FRMD4A: variants seen among roughly 807,000 people sequenced by gnomAD.
FRMD4A encodes the protein FERM domain-containing protein 4A.
Under a neutral mutation model 129.1 loss-of-function variants are expected in FRMD4A, and 29 were observed. The observed-to-expected ratio is 0.22, with a 90% CI of 0.17 to 0.31. FRMD4A has a LOEUF of 0.31. Among genes scored for constraint, FRMD4A ranks in the 10% least tolerant of loss-of-function variants. The probability of loss-of-function intolerance (pLI) is 1.00; values close to 1 mark genes in which losing one functional copy is unlikely to be tolerated. For synonymous variants in FRMD4A, 634 were observed against 571.6 expected (o/e 1.11, Z -1.56); for missense variants, 1,272 against 1,375.8 (o/e 0.92, Z 1.19).
rs1041662968 is a variant in FRMD4A at position 14,208,092 on chromosome 10, G to A, written c.45+121966C>T. Among the ~76,000 whole-genome samples, 7 of 152,042 alleles carry A rather than the reference G, an allele frequency of 4.6e-5. No homozygotes were observed. The East Asian group carries it at 1.2e-3, about 25-fold the overall frequency. ...TGCGCCTGTTCTCCCGGCTACTTGA[G>A]AGGCTGAGGTGAAGGATGGCCTGAG... On this transcript the variant is annotated intron_variant, in intron 2 of 24. Transcript: ENST00000357447.
At chr10:14,288,872 A>G (rs1051211225) in intron 2 of FRMD4A, among the ~76,000 whole-genome samples, 6 of 152,186 alleles carry the variant, frequency 3.9e-5, no homozygotes, top group African/African-American at 1.4e-4. Flanking sequence ...GTAATCATGC[A>G]GCATTTGTCC....
chr10:13,716,927 A>C (rs1431802655), intron 12 of FRMD4A, among the ~76,000 whole-genome samples: 1 of 151,860 alleles, frequency 6.6e-6, no homozygotes, highest in African/African-American at 2.4e-5. Context: ...TTTCAAGAGA[A>C]GCTGGAATTG....
chr10:14,193,586 G>A (rs1036312160), intron 2 of FRMD4A, among the ~76,000 whole-genome samples: 1 of 151,096 alleles, frequency 6.6e-6, no homozygotes, highest in Non-Finnish European at 1.5e-5. Flanking sequence ...ATACAATTTA[G>A]TTGGGCAAAG....
chr10:13,695,430 C>T (rs184817638), intron 14 of FRMD4A, among the ~76,000 whole-genome samples: 12 of 152,282 alleles, frequency 7.9e-5, no homozygotes, highest in African/African-American at 2.4e-4. Context: ...CGTGAGCCAC[C>T]GCGCCTGGCT....
intron 2 of FRMD4A, among the ~76,000 whole-genome samples, chr10:14,284,453 C>A (rs1023091045): frequency 6.6e-6 from 1 of 152,102 alleles, no homozygotes; most frequent in Non-Finnish European, 1.5e-5. Context: ...TCAAGACCGT[C>A]CTGGCTAACA....
At chr10:13,848,595 AGTGTGTGTGTGT>A (rs1564905750) in intron 3 of FRMD4A, among the ~76,000 whole-genome samples, 15 of 134,406 alleles carry the variant, frequency 1.1e-4, no homozygotes, top group African/African-American at 3.9e-4. Context: ...CCTGGGTGTG[AGTGTGTGTGTGT>A]ACGTGTGTGT....
chr10:13,851,193 G>A (rs1031076160), intron 3 of FRMD4A, among the ~76,000 whole-genome samples: 8 of 152,128 alleles, frequency 5.3e-5, no homozygotes, highest in Admixed American at 3.3e-4. Context: ...CAGCCTGGGC[G>A]ACAGAGTGAG....
chr10:14,000,668 A>G (rs988664924), intron 2 of FRMD4A, among the ~76,000 whole-genome samples: 1 of 74,518 alleles, frequency 1.3e-5, no homozygotes, highest in African/African-American at 3.1e-5. Flanking sequence ...AAAAAAAAAA[A>G]GAGAAGAAAG....
At chr10:14,287,763 T>C (rs1480132257) in intron 2 of FRMD4A, among the ~76,000 whole-genome samples, 1 of 152,154 alleles carries the variant, frequency 6.6e-6, no homozygotes, top group Admixed American at 6.5e-5. Context: ...ACTGAAACAG[T>C]TCACTCTACC....
At chr10:13,907,823 G>T (rs1293930198) in intron 2 of FRMD4A, among the ~76,000 whole-genome samples, 6 of 148,412 alleles carry the variant, frequency 4.0e-5, no homozygotes, top group Admixed American at 1.4e-4. Context: ...TAATACAAAA[G>T]TACCTAAAAT....
At chr10:13,656,161 C>A (rs2082123219) in intron 22 of FRMD4A, among the ~76,000 whole-genome samples, 1 of 152,168 alleles carries the variant, frequency 6.6e-6, no homozygotes, top group Non-Finnish European at 1.5e-5. Context: ...TGTTTATTAG[C>A]CAGTCTGCCC....
In FRMD4A at chr10:13,896,033, G is replaced by A. The variant is rs187219028; in HGVS notation, c.46-37121C>T. On this transcript the variant is annotated intron_variant, in intron 2 of 24. Transcript: ENST00000357447. Reference sequence around the variant, plus strand: ...GTCAGGAAACAACAGGTGCTGGCGAGGCTGTGGTGAAACAGGAATGCTTTT... The same window carrying A: ...GTCAGGAAACAACAGGTGCTGGCGAAGCTGTGGTGAAACAGGAATGCTTTT... 5.3e-5 allele frequency among the ~76,000 whole-genome samples: 8 copies of A among 152,320 alleles called. No homozygotes were observed. In the East Asian group the frequency reaches 1.5e-3, roughly 29 times the overall value.
chr10:13,886,246 G>C (rs1881589), intron 2 of FRMD4A, among the ~76,000 whole-genome samples: 150,366 of 152,158 alleles, frequency 0.99, 74,317 homozygotes, highest in Middle Eastern at 1. Flanking sequence ...TTTCCCATGC[G>C]TTCCCCATAC....
intron 2 of FRMD4A, among the ~76,000 whole-genome samples, chr10:14,185,360 G>GAT (rs1402068725): frequency 6.6e-6 from 1 of 152,190 alleles, no homozygotes; most frequent in Non-Finnish European, 1.5e-5. Flanking sequence ...TGAGAGATCT[G>GAT]TGTGTCTAAA....
At chr10:13,929,907 G>A (rs573758047) in intron 2 of FRMD4A, among the ~76,000 whole-genome samples, 1 of 152,226 alleles carries the variant, frequency 6.6e-6, no homozygotes, top group South Asian at 2.1e-4. Flanking sequence ...CTCTCATAAG[G>A]TTGCTGTGAA....
intron 2 of FRMD4A, among the ~76,000 whole-genome samples, chr10:14,094,826 C>T (rs1836860099): frequency 6.6e-6 from 1 of 152,162 alleles, no homozygotes; most frequent in South Asian, 2.1e-4. Context: ...GTGGCTACTG[C>T]CATTGGCCCA....
intron 2 of FRMD4A, among the ~76,000 whole-genome samples, chr10:14,025,716 A>G (rs191747927): frequency 1.3e-5 from 2 of 152,268 alleles, no homozygotes; most frequent in East Asian, 1.9e-4. Context: ...CCTGGCCATC[A>G]TCATTCTACT....
chr10:14,235,729 T>C (rs1437032391), intron 2 of FRMD4A, among the ~76,000 whole-genome samples: 3 of 152,208 alleles, frequency 2.0e-5, no homozygotes, highest in African/African-American at 7.2e-5. Flanking sequence ...AAAATCAGCA[T>C]AGGATTCCAG....
At chr10:13,913,621 A>G (rs1213700364) in intron 2 of FRMD4A, among the ~76,000 whole-genome samples, 8 of 152,146 alleles carry the variant, frequency 5.3e-5, no homozygotes, top group Non-Finnish European at 7.4e-5. Context: ...CTTCATTCAT[A>G]TGACAAACAT....
Sources: allele counts gnomAD v4.1 joint callset (sites outside exome capture counted in the v4.1 genomes callset), GRCh38; gene constraint gnomAD v4.1.1; transcripts MANE v1.5; gene names NCBI Gene and HGNC (gene_info 2026-07-23, HGNC 2026-07-21).